CHAT: variants seen among roughly 807,000 people sequenced by gnomAD.
The protein encoded by CHAT is acetyl CoA:choline O-acetyltransferase.
A neutral mutation model predicts 76.9 loss-of-function variants in CHAT; 61 were observed. The ratio of observed to expected loss-of-function variants is 0.79; its 90% confidence interval spans 0.65 to 0.98. The LOEUF is 0.98. Among genes scored for constraint, CHAT ranks in the 50% least tolerant of loss-of-function variants. The pLI is 0.00. For synonymous variants in CHAT, 407 were observed against 397.4 expected (o/e 1.02, Z -0.29); for missense variants, 946 against 986.9 (o/e 0.96, Z 0.56).
chr10:49,614,532 G>A (rs1838410970), intron 1 of CHAT, 57 bp downstream of exon 1: 3 of 1,466,118 alleles, frequency 2.0e-6, no homozygotes, highest in Non-Finnish European at 2.8e-6. Context: ...CAAGGGCGGC[G>A]GTCGGGGGCT....
intron 7 of CHAT, among the ~76,000 whole-genome samples, chr10:49,628,704 T>C (rs1839009520): frequency 6.6e-6 from 1 of 152,140 alleles, no homozygotes; most frequent in Non-Finnish European, 1.5e-5. Context: ...CCGAGTGGGA[T>C]TGTGAAAGGC....
At chr10:49,613,312 G>A (rs940562552), upstream of CHAT, 1 of 152,388 alleles carries the variant, frequency 6.6e-6, no homozygotes, top group Non-Finnish European at 1.5e-5. Flanking sequence ...TCTGAGTCTT[G>A]AAGGGAGAGA....
chr10:49,609,872 G>A (rs1289511005), upstream of CHAT, among the ~76,000 whole-genome samples: 1 of 152,136 alleles, frequency 6.6e-6, no homozygotes, highest in African/African-American at 2.4e-5. Flanking sequence ...GGGGCTTCCT[G>A]CTCGCTGTGC....
Position 49,667,889 on chromosome 10 carries a change from A to T in CHAT, c.*2843A>T, listed in dbSNP as rs1840369548. The stretch of plus-strand genomic sequence containing the variant: ...CTGTATATTGTAAGCATTATATTCA[A>T]ATTATTTAAAAATTGTTCTAAGTCT... On this transcript the variant is annotated 3_prime_UTR_variant, in exon 15 of 15. Coordinates refer to ENST00000337653, the MANE Select transcript of CHAT (RefSeq NM_020549.5). Among the ~76,000 whole-genome samples the T allele has an allele frequency of 6.6e-6, 1 of 152,252 alleles. No homozygotes were observed. The highest frequency in any genetic ancestry group is 6.5e-5 in the Admixed American group (1 of 15,290).
chr10:49,612,282 G>C (rs1045968094), upstream of CHAT: 1 of 1,611,714 alleles, frequency 6.2e-7, no homozygotes, highest in Non-Finnish European at 8.5e-7. Flanking sequence ...CTCGCAGCCC[G>C]CCTGGCCCTT....
rs1239707533 is a variant in CHAT, at chr10:49,647,758, TCC to T, written c.1282-748_1282-747del. ...ACACCGCTTTCCTTCCTTCCTTCCT[TCC>T]TTCCTTCCTTCCTTCCTTCCTTCCT... On this transcript the variant is annotated intron_variant, in intron 8 of 14. Coordinates refer to ENST00000337653, the MANE Select transcript of CHAT (RefSeq NM_020549.5). 1.7e-4 allele frequency among the ~76,000 whole-genome samples: 3 copies of T among 17,690 alleles called. No individual in the cohort carries two copies. The Admixed American group carries it at 2.7e-3, about 16-fold the overall frequency. 11.6% of individuals were successfully genotyped at this position (17,690 alleles called of 152,430 possible). A position where few individuals can be genotyped will look rare whatever the true frequency, so the allele number is the denominator to read the frequency against.
Position 49,620,558 on chromosome 10 carries a change from A to G in CHAT, c.643A>G (p.Ser215Gly). 6.2e-7 allele frequency: 1 copy of G among 1,613,878 alleles called. No individual in the cohort carries two copies. Residue 215 changes from serine (S) to glycine (G), a missense_variant, in exon 4 of 15, where the codon AGC becomes GGC. By Grantham distance (56) the Ser-to-Gly change is moderately conservative. Coordinates refer to ENST00000337653, the MANE Select transcript of CHAT (RefSeq NM_020549.5). ...CCGCCTGGCCCTGCCTGTCAACTCC[A>G]GCCCTGCCGTGATCTTTGCTCGGCA... The part of the protein sequence containing the change: ...NNRLALPVNS[S>G]PAVIFARQHF...
At chr10:49,614,497 G>A in intron 1 of CHAT, 22 bp downstream of exon 1, 1 of 1,539,468 alleles carries the variant, frequency 6.5e-7, no homozygotes, top group Non-Finnish European at 8.7e-7. Flanking sequence ...GGCTGGGCTG[G>A]GCTGGCGGAG....
At chr10:49,632,099 C>A (rs1839144211) in intron 7 of CHAT, among the ~76,000 whole-genome samples, 1 of 152,078 alleles carries the variant, frequency 6.6e-6, no homozygotes, top group Non-Finnish European at 1.5e-5. Flanking sequence ...TGGAGGAAAA[C>A]AACAGCATGC....
intron 7 of CHAT, among the ~76,000 whole-genome samples, chr10:49,630,197 G>A (rs1839068788): frequency 6.6e-6 from 1 of 152,130 alleles, no homozygotes. Flanking sequence ...GCGCATAAAT[G>A]ATCCTTAAAG....
At chr10:49,646,406 C>T in intron 7 of CHAT, 99 bp from the exon 8 acceptor site, 1 of 1,469,702 alleles carries the variant, frequency 6.8e-7, no homozygotes, top group Non-Finnish European at 9.5e-7. Flanking sequence ...TTGTTGTGAT[C>T]CCAGAAGACA....
intron 4 of CHAT, 59 bp from the exon 5 acceptor site, chr10:49,622,038 G>GAGA (rs138783927): frequency 1.3e-3 from 2,015 of 1,563,370 alleles, no homozygotes; most frequent in African/African-American, 3.1e-3. Flanking sequence ...AGAAGGGAGG[G>GAGA]AGGGAGGGAG....
upstream of CHAT, chr10:49,610,807 G>T (rs781190076): frequency 1.9e-6 from 3 of 1,595,094 alleles, no homozygotes; most frequent in Non-Finnish European, 2.6e-6. Flanking sequence ...GGCTGTGGGC[G>T]CGGCGCTGCA....
chr10:49,634,145 A>C (rs1839218342), intron 7 of CHAT, among the ~76,000 whole-genome samples: 1 of 152,168 alleles, frequency 6.6e-6, no homozygotes, highest in Non-Finnish European at 1.5e-5. Context: ...CTTCAGTAGG[A>C]GAATGAAGGC....
chr10:49,625,298 G>C (rs1268597335), intron 5 of CHAT, among the ~76,000 whole-genome samples, 175 bp from the exon 6 acceptor site: 2 of 152,182 alleles, frequency 1.3e-5, no homozygotes, highest in East Asian at 3.9e-4. Context: ...TGTGGAAATG[G>C]GGCCTCCACT....
chr10:49,618,329 A>G (rs1180796750), intron 2 of CHAT, among the ~76,000 whole-genome samples: 1 of 152,244 alleles, frequency 6.6e-6, no homozygotes, highest in Non-Finnish European at 1.5e-5. Context: ...TCTATCCTTT[A>G]TGGCTTAAAA....
At chr10:49,616,335 G>C (rs1838493024) in intron 1 of CHAT, among the ~76,000 whole-genome samples, 167 bp from the exon 2 acceptor site, 2 of 152,190 alleles carry the variant, frequency 1.3e-5, no homozygotes, top group Admixed American at 1.3e-4. Flanking sequence ...AGCACGTACA[G>C]GTGGAAGTAG....
At chr10:49,616,733 G>A (rs1590555948) in intron 2 of CHAT, 131 bp downstream of exon 2, 1 of 729,696 alleles carries the variant, frequency 1.4e-6, no homozygotes, top group Non-Finnish European at 2.4e-6. Context: ...CTGGCACAAG[G>A]CCCAGGCTAC....
Position 49,641,341 on chromosome 10 carries a change from CCTTCCTCTCGCCAT to C in CHAT, c.1112-5160_1112-5147del, listed in dbSNP as rs372413052. Among the ~76,000 whole-genome samples the C allele has an allele frequency of 2.3e-3, 348 of 152,262 alleles. 1 individual carries two copies. The highest frequency in any genetic ancestry group is 6.2e-3 in the African/African-American group (256 of 41,566). ...GGTCCTGAGGTCCCTGGCTGGTCTG[CCTTCCTCTCGCCAT>C]CTTTCAGAGTCTTCTTACTTTTGTT... On this transcript the variant is annotated intron_variant, in intron 7 of 14. Coordinates refer to ENST00000337653, the MANE Select transcript of CHAT (RefSeq NM_020549.5).
Sources: allele counts gnomAD v4.1 joint callset (sites outside exome capture counted in the v4.1 genomes callset), GRCh38; gene constraint gnomAD v4.1.1; transcripts MANE v1.5; gene names NCBI Gene and HGNC (gene_info 2026-07-23, HGNC 2026-07-21).